Variants in SLC35F1 observed in about 807,000 individuals in gnomAD.
The protein encoded by SLC35F1 is chromosome 6 open reading frame 169.
SLC35F1 carries 14 observed loss-of-function variants against 48.7 expected under a neutral mutation model. The ratio of observed to expected loss-of-function variants is 0.29; its 90% CI spans 0.19 to 0.45. The LOEUF is 0.45. Among genes scored for constraint, SLC35F1 ranks in the 20% least tolerant of loss-of-function variants. The pLI, the probability that SLC35F1 is intolerant of heterozygous loss-of-function variation, is 1.00. For synonymous variants in SLC35F1, 190 were observed against 202.2 expected (o/e 0.94, Z 0.51); for missense variants, 404 against 500.0 (o/e 0.81, Z 1.83).
chr6:118,236,569 C>A (rs2114584797), intron 3 of SLC35F1, among the ~76,000 whole-genome samples: 1 of 151,894 alleles, frequency 6.6e-6, no homozygotes, highest in African/African-American at 2.4e-5. Context: ...GGGTGGGAAA[C>A]TATCTACACC....
intron 2 of SLC35F1, among the ~76,000 whole-genome samples, chr6:118,219,029 T>G (rs1775111964): frequency 6.6e-6 from 1 of 152,212 alleles, no homozygotes; most frequent in Non-Finnish European, 1.5e-5. Context: ...AATGGAGCTT[T>G]TGAAGGAAGT....
chr6:118,128,596 A>T (rs1236049149), intron 1 of SLC35F1, among the ~76,000 whole-genome samples: 2 of 151,842 alleles, frequency 1.3e-5, no homozygotes, highest in African/African-American at 2.4e-5. Context: ...TCACTCATAG[A>T]TGGGAATTGA....
In SLC35F1 at chr6:118,093,993, G is replaced by A. The variant is rs141842655; in HGVS notation, c.174-60452G>A. On this transcript the variant is annotated intron_variant, in intron 1 of 7. Transcript: ENST00000360388. ...TTAAGAGGTTAATAAAAGTTCTGAAGCGATGCATGTAAACCGATCTTTGAA... is the reference window on the plus strand; with the variant it reads ...TTAAGAGGTTAATAAAAGTTCTGAAACGATGCATGTAAACCGATCTTTGAA... Among the ~76,000 whole-genome samples the A allele has an allele frequency of 9.2e-5, 14 of 152,290 alleles. No individual in the cohort carries two copies. The East Asian group carries it at 2.7e-3, about 29-fold the overall frequency.
chr6:118,154,381 A>G, intron 1 of SLC35F1, 64 bp from the exon 2 acceptor site: 1 of 1,473,602 alleles, frequency 6.8e-7, no homozygotes. Context: ...AAAAGTTTTA[A>G]TTGCTATTGT....
chr6:118,127,567 C>G (rs1773645708), intron 1 of SLC35F1, among the ~76,000 whole-genome samples: 1 of 152,080 alleles, frequency 6.6e-6, no homozygotes. Context: ...GGAAAGGATT[C>G]CCTGTTTAAT....
chr6:118,116,696 CTTATT>C (rs1254747919), intron 1 of SLC35F1, among the ~76,000 whole-genome samples: 1 of 152,082 alleles, frequency 6.6e-6, no homozygotes, highest in Non-Finnish European at 1.5e-5. Context: ...TCACTTTATT[CTTATT>C]TTATTTCTTT....
intron 2 of SLC35F1, among the ~76,000 whole-genome samples, chr6:118,184,184 C>T (rs888102870): frequency 2.0e-5 from 3 of 152,152 alleles, no homozygotes; most frequent in African/African-American, 4.8e-5. Flanking sequence ...TGTCTCCCCA[C>T]GGTGGGGACA....
chr6:117,974,218 C>T (rs546042512), intron 1 of SLC35F1, among the ~76,000 whole-genome samples: 2 of 152,290 alleles, frequency 1.3e-5, no homozygotes, highest in African/African-American at 4.8e-5. Flanking sequence ...AGGTCTAGCA[C>T]TTAGCATATA....
In SLC35F1 at chr6:118,314,048, G is replaced by A; in HGVS notation, c.1023G>A (p.Leu341=). Residue 341 remains leucine, a synonymous_variant, in exon 8 of 8, where the codon CTG becomes CTA. Coordinates refer to ENST00000360388, the MANE Select transcript of SLC35F1 (RefSeq NM_001029858.4). ...TTTAGTTTTCAGGACTTTATCTCCT[G>A]TCTTTCTTCACCATCCTCATTGGGC... The part of the protein sequence containing the change: ...FHYKFSGLYL[L]SFFTILIGLV... The A allele has an allele frequency of 6.2e-7, 1 of 1,614,150 alleles. No homozygotes were observed. Among genetic ancestry groups the A allele is most frequent in the East Asian group, 2.2e-5 (1 of 44,882 alleles).
chr6:118,285,520 A>G (rs1224580826), intron 7 of SLC35F1, among the ~76,000 whole-genome samples, 182 bp downstream of exon 7: 3 of 152,204 alleles, frequency 2.0e-5, no homozygotes, highest in Non-Finnish European at 4.4e-5. Context: ...ATTTTGTCCT[A>G]TGAGATCAGT....
chr6:118,031,130 T>A (rs1462917480), intron 1 of SLC35F1, among the ~76,000 whole-genome samples: 2 of 152,298 alleles, frequency 1.3e-5, no homozygotes, highest in East Asian at 3.9e-4. Flanking sequence ...TTTAATCAGA[T>A]GAAATGAGAA....
At chr6:118,045,971 T>C (rs894209948) in intron 1 of SLC35F1, among the ~76,000 whole-genome samples, 3 of 152,202 alleles carry the variant, frequency 2.0e-5, no homozygotes, top group African/African-American at 7.2e-5. Context: ...AGAATACCTT[T>C]TTTTCATGGA....
chr6:118,106,075 C>A (rs1340982549), intron 1 of SLC35F1, among the ~76,000 whole-genome samples: 1 of 152,108 alleles, frequency 6.6e-6, no homozygotes, highest in Non-Finnish European at 1.5e-5. Context: ...CATAGGAATG[C>A]GGTATCAAGC....
chr6:117,972,761 T>G (rs551911769), intron 1 of SLC35F1, among the ~76,000 whole-genome samples: 85 of 152,234 alleles, frequency 5.6e-4, no homozygotes, highest in Non-Finnish European at 1.0e-3. Flanking sequence ...TCCCATGACA[T>G]GTGAGGATTA....
At chr6:117,931,547 C>T (rs936638629) in intron 1 of SLC35F1, among the ~76,000 whole-genome samples, 4 of 152,180 alleles carry the variant, frequency 2.6e-5, no homozygotes, top group Non-Finnish European at 5.9e-5. Context: ...CTTCCTGGCA[C>T]AACATTTGAT....
intron 2 of SLC35F1, among the ~76,000 whole-genome samples, chr6:118,220,555 A>T (rs1044386318): frequency 6.6e-6 from 1 of 152,190 alleles, no homozygotes; most frequent in Non-Finnish European, 1.5e-5. Flanking sequence ...GGCAAAATGT[A>T]ACCAGAGACA....
chr6:118,002,306 A>G (rs894249151), intron 1 of SLC35F1, among the ~76,000 whole-genome samples: 7 of 152,232 alleles, frequency 4.6e-5, no homozygotes, highest in African/African-American at 9.6e-5. Context: ...TTGTAGGGAC[A>G]TGGATGAAAT....
At chr6:117,965,229 C>T (rs1395817390) in intron 1 of SLC35F1, among the ~76,000 whole-genome samples, 1 of 152,080 alleles carries the variant, frequency 6.6e-6, no homozygotes, top group Non-Finnish European at 1.5e-5. Flanking sequence ...GGTCAGTTTC[C>T]ACCACCACTG....
intron 1 of SLC35F1, among the ~76,000 whole-genome samples, chr6:118,090,257 T>G (rs187445307): frequency 5.8e-4 from 89 of 152,290 alleles, no homozygotes; most frequent in Non-Finnish European, 9.3e-4. Context: ...TTCCTAGTAT[T>G]GTCATTTAGT....
Sources: allele counts gnomAD v4.1 joint callset (sites outside exome capture counted in the v4.1 genomes callset), GRCh38; gene constraint gnomAD v4.1.1; transcripts MANE v1.5; gene names NCBI Gene and HGNC (gene_info 2026-07-23, HGNC 2026-07-21).